CLYBL: variants seen among roughly 807,000 people sequenced by gnomAD.
CLYBL encodes the protein citramalyl-CoA lyase, mitochondrial.
In CLYBL, 31 loss-of-function variants were observed where a neutral mutation model predicts 38.9. The ratio of observed to expected loss-of-function variants is 0.80; its 90% CI spans 0.60 to 1.08. The LOEUF is 1.08. CLYBL is among the 50% of genes least tolerant of loss of function. The pLI is 0.00. For missense variants in CLYBL, 434 were observed against 411.6 expected, an observed-to-expected ratio of 1.05 and a Z score of -0.47; for synonymous variants, 171 against 158.6, an observed-to-expected ratio of 1.08 and a Z score of -0.59.
intron 1 of CLYBL, among the ~76,000 whole-genome samples, chr13:99,707,850 C>A (rs12323058): frequency 0.073 from 11,077 of 152,232 alleles, 552 homozygotes; most frequent in African/African-American, 0.14. Flanking sequence ...GAGGCAAGCA[C>A]AAATCATGAA....
intron 1 of CLYBL, among the ~76,000 whole-genome samples, chr13:99,626,445 G>C (rs2046870935): frequency 1.3e-5 from 2 of 152,124 alleles, no homozygotes; most frequent in Non-Finnish European, 2.9e-5. Flanking sequence ...AATCTCTTTC[G>C]GCCTCCATCA....
At chr13:99,608,554 G>C (rs1369693277) in intron 1 of CLYBL, among the ~76,000 whole-genome samples, 2 of 152,186 alleles carry the variant, frequency 1.3e-5, no homozygotes, top group East Asian at 3.9e-4. Context: ...GTCCAGAAGG[G>C]TCCTTTTCTG....
chr13:99,806,437 C>T (rs1456845666), intron 2 of CLYBL, among the ~76,000 whole-genome samples: 1 of 152,160 alleles, frequency 6.6e-6, no homozygotes, highest in African/African-American at 2.4e-5. Context: ...TCTCATTACA[C>T]CTTTTACCCA....
At chr13:99,652,991 C>CCCATGA (rs2047277276) in intron 1 of CLYBL, among the ~76,000 whole-genome samples, 1 of 152,184 alleles carries the variant, frequency 6.6e-6, no homozygotes. Flanking sequence ...AAATAACACT[C>CCCATGA]CCATGACGAC....
At chr13:99,888,352 A>G (rs150312836) in intron 7 of CLYBL, among the ~76,000 whole-genome samples, 1,544 of 152,360 alleles carry the variant, frequency 0.01, 13 homozygotes, top group Middle Eastern at 0.024. Context: ...TGTTATGAGC[A>G]TTACATGAAA....
intron 2 of CLYBL, among the ~76,000 whole-genome samples, chr13:99,824,257 G>GCT (rs66867477): frequency 2.3e-5 from 3 of 130,412 alleles, no homozygotes; most frequent in Non-Finnish European, 3.2e-5. Context: ...CTGACTAATA[G>GCT]CCCCCCCCAC....
intron 2 of CLYBL, among the ~76,000 whole-genome samples, chr13:99,857,458 C>T (rs1003371948): frequency 7.2e-5 from 11 of 152,186 alleles, no homozygotes; most frequent in African/African-American, 2.4e-4. Context: ...CTGACTTTAG[C>T]TAGTCTGAGC....
intron 1 of CLYBL, among the ~76,000 whole-genome samples, chr13:99,636,105 T>C (rs1309879383): frequency 2.6e-5 from 4 of 152,188 alleles, no homozygotes; most frequent in Admixed American, 1.3e-4. Context: ...TATATTAACT[T>C]TAATTGTGGA....
At chr13:99,661,263 A>C (rs564295203) in intron 1 of CLYBL, among the ~76,000 whole-genome samples, 26 of 152,284 alleles carry the variant, frequency 1.7e-4, no homozygotes, top group Admixed American at 1.5e-3. Context: ...AAGTAGAAGA[A>C]TTTCCAGAAA....
Position 99,785,191 on chromosome 13 carries a change from C to CTTTT in CLYBL, c.249+12212_249+12215dup, listed in dbSNP as rs58550861. 3.3e-3 allele frequency among the ~76,000 whole-genome samples: 114 copies of CTTTT among 34,208 alleles called. 7 individuals carry two copies. The highest frequency in any genetic ancestry group is 9.8e-3 in the South Asian group (6 of 614). 22.4% of individuals were successfully genotyped at this position (34,208 alleles called of 152,430 possible). ...TACAGACTTGAGCCACCCCGCCTGGCTTTTTTTTTTTTTTTTTTTTTTTTT... is the reference window on the plus strand; with the variant it reads ...TACAGACTTGAGCCACCCCGCCTGGCTTTTTTTTTTTTTTTTTTTTTTTTTTTTT... On this transcript the variant is annotated intron_variant, in intron 2 of 8. Transcript: ENST00000339105.
intron 1 of CLYBL, among the ~76,000 whole-genome samples, chr13:99,701,341 T>C (rs2048062025): frequency 6.6e-6 from 1 of 152,132 alleles, no homozygotes. Context: ...GACAGAGTCT[T>C]GCTCTGTCAC....
chr13:99,765,849 C>CTTT (rs143574260), intron 1 of CLYBL, among the ~76,000 whole-genome samples: 2 of 126,184 alleles, frequency 1.6e-5, no homozygotes, highest in African/African-American at 5.9e-5. Context: ...CAAGTCGAGT[C>CTTT]TTTTTTTTTT....
intron 2 of CLYBL, among the ~76,000 whole-genome samples, chr13:99,797,672 C>G (rs1472344345): frequency 1.3e-5 from 2 of 151,772 alleles, no homozygotes; most frequent in Non-Finnish European, 2.9e-5. Flanking sequence ...TCACCAAGCT[C>G]ATTCTCTGCC....
chr13:99,629,346 A>G (rs1251235515), intron 1 of CLYBL, among the ~76,000 whole-genome samples: 6 of 152,198 alleles, frequency 3.9e-5, no homozygotes, highest in African/African-American at 4.8e-5. Context: ...GACAAGTACA[A>G]ATGCGTCTGT....
chr13:99,831,034 G>C (rs1250147786), intron 2 of CLYBL, among the ~76,000 whole-genome samples: 1 of 152,176 alleles, frequency 6.6e-6, no homozygotes, highest in East Asian at 1.9e-4. Flanking sequence ...CAGAAGAGAA[G>C]TCAGACACAG....
intron 2 of CLYBL, among the ~76,000 whole-genome samples, chr13:99,775,250 T>C (rs1178478103): frequency 3.3e-5 from 5 of 152,154 alleles, no homozygotes; most frequent in African/African-American, 4.8e-5. Context: ...GTTGGAAATA[T>C]AGTCTATTTC....
At chr13:99,782,965 T>C (rs1489597754) in intron 2 of CLYBL, among the ~76,000 whole-genome samples, 1 of 152,188 alleles carries the variant, frequency 6.6e-6, no homozygotes, top group African/African-American at 2.4e-5. Context: ...TCATGTTTAA[T>C]TTCCAGTTTT....
chr13:99,653,572 A>G (rs1356569834), intron 1 of CLYBL, among the ~76,000 whole-genome samples: 1 of 152,288 alleles, frequency 6.6e-6, no homozygotes, highest in East Asian at 1.9e-4. Context: ...AAACCTACTT[A>G]ATTACGTGCA....
intron 2 of CLYBL, among the ~76,000 whole-genome samples, chr13:99,857,380 G>A (rs2051486006): frequency 6.6e-6 from 1 of 152,230 alleles, no homozygotes; most frequent in South Asian, 2.1e-4. Flanking sequence ...GCAAGTGGGC[G>A]AGTTTTATAT....
Sources: allele counts gnomAD v4.1 joint callset (sites outside exome capture counted in the v4.1 genomes callset), GRCh38; gene constraint gnomAD v4.1.1; transcripts MANE v1.5; gene names NCBI Gene and HGNC (gene_info 2026-07-23, HGNC 2026-07-21).